KCNQ1: variants seen among roughly 807,000 people sequenced by gnomAD.
KCNQ1 encodes potassium voltage-gated channel subfamily Q member 1.
In KCNQ1, 49 loss-of-function variants were observed where a neutral mutation model predicts 72.4. The observed-to-expected ratio is 0.68, with a 90% CI of 0.54 to 0.86. The LOEUF (loss-of-function observed/expected upper bound fraction) is 0.86, where lower values mean the gene tolerates loss of function less well. Among genes scored for constraint, KCNQ1 ranks in the 40% least tolerant of loss-of-function variants. The pLI is 0.00. For missense variants in KCNQ1, 790 were observed against 945.1 expected, an observed-to-expected ratio of 0.84 and a Z score of 2.15; for synonymous variants, 450 against 412.6, an observed-to-expected ratio of 1.09 and a Z score of -1.10.
chr11:2,609,502 TG>T, intron 10 of KCNQ1: 1 of 398,388 alleles, frequency 2.5e-6, no homozygotes. Context: ...CAATGTTGGT[TG>T]TTGGGCGAAG....
chr11:2,562,017 C>T lies in KCNQ1; in HGVS notation c.478-8611C>T, dbSNP rs1233433190. Among the ~76,000 whole-genome samples, 3 of 152,186 alleles carry T rather than the reference C, an allele frequency of 2.0e-5. No individual in the cohort carries two copies. The highest frequency in any genetic ancestry group is 2.9e-5 in the Non-Finnish European group (2 of 68,010). ...CCCAGCGGTGCCCACACTAAGGGGA[C>T]ACTTGGCAGGGGAGGGGCTGTGGCA... On this transcript the variant is annotated intron_variant, in intron 2 of 15. Transcript: ENST00000155840. This position sits in a 1 kb window ranked among gnomAD's most constrained non-coding sequence, Gnocchi z 7.5.
Position 2,768,788 on chromosome 11 carries a change from G to A in KCNQ1, c.1515-56G>A. ...TCCTCAGGCAGTGCAGGGGCAGTGA[G>A]GGGATGACCAGCACAGGGTGGCCAC... On this transcript the variant is annotated intron_variant, in intron 11 of 15. Transcript: ENST00000155840. The surrounding 1 kb of genome is among the most constrained non-coding windows in gnomAD (Gnocchi z 6.7). The A allele has an allele frequency of 6.6e-6, 9 of 1,361,510 alleles. No individual in the cohort carries two copies. The highest frequency in any genetic ancestry group is 9.5e-6 in the Non-Finnish European group (9 of 949,566). 84.3% of individuals were successfully genotyped at this position (1,361,510 alleles called of 1,614,324 possible).
Position 2,651,808 on chromosome 11 carries a change from A to T in KCNQ1, c.1394-10153A>T, listed in dbSNP as rs1435638891. 2 of 398,466 alleles carry T rather than the reference A, an allele frequency of 5.0e-6. No homozygotes were observed. Among genetic ancestry groups the T allele is most frequent in the Non-Finnish European group, 8.8e-6 (2 of 226,088 alleles). The allele number at this position is 398,466 out of a possible 1,614,324, so 24.7% of individuals were successfully genotyped here. On this transcript the variant is annotated intron_variant, in intron 10 of 15. Transcript: ENST00000155840. This position sits in a 1 kb window ranked among gnomAD's most constrained non-coding sequence, Gnocchi z 6.1. ...CTGGGCCCCTTAAGAGTCCATTAGC[A>T]TTGGAATGGAGCCCACAGGACCATA...
chr11:2,456,449 A>T (rs1846191656), intron 1 of KCNQ1, among the ~76,000 whole-genome samples: 1 of 152,176 alleles, frequency 6.6e-6, no homozygotes, highest in African/African-American at 2.4e-5. Context: ...AAAACTAAAA[A>T]TTCACAAGTG....
chr11:2,593,108 C>T lies in KCNQ1; in HGVS notation c.1393+4254C>T, dbSNP rs1375162765. Among the ~76,000 whole-genome samples the T allele has an allele frequency of 2.0e-5, 3 of 152,174 alleles. No homozygotes were observed. The highest frequency in any genetic ancestry group is 4.4e-5 in the Non-Finnish European group (3 of 68,034). On this transcript the variant is annotated intron_variant, in intron 10 of 15. Transcript: ENST00000155840. This position sits in a 1 kb window ranked among gnomAD's most constrained non-coding sequence, Gnocchi z 6.9. ...TGGCCCTTTGTCTTTCACCACTGAC[C>T]CTTCCCAAGCTGGTACCATGCCTAA...
At chr11:2,628,194 T>G (rs977591151) in intron 10 of KCNQ1, 2 of 398,520 alleles carry the variant, frequency 5.0e-6, no homozygotes, top group Non-Finnish European at 8.8e-6. Flanking sequence ...CAATTTTAAT[T>G]TTTTAAAGAA....
intron 12 of KCNQ1, 43 bp from the exon 13 acceptor site, chr11:2,775,917 G>A (rs1846685823): frequency 6.5e-7 from 1 of 1,536,412 alleles, no homozygotes; most frequent in Admixed American, 2.0e-5. Context: ...CACATGGCTG[G>A]GGCACAGGGA....
At position 2,813,846 on chromosome 11, in the gene KCNQ1, T is replaced by C. The variant is rs1160418626; in HGVS notation, c.1795-33921T>C. Among the ~76,000 whole-genome samples, 1 of 151,710 alleles carries C rather than the reference T, an allele frequency of 6.6e-6. No individual in the cohort carries two copies. Among genetic ancestry groups the C allele is most frequent in the Non-Finnish European group, 1.5e-5 (1 of 67,950 alleles). Reference sequence around the variant, plus strand: ...AGTGAGTGGCGGATGAGTAGGTAGATGGACGGGGAGCTGCAGGGAGGGAGG... The same window carrying C: ...AGTGAGTGGCGGATGAGTAGGTAGACGGACGGGGAGCTGCAGGGAGGGAGG... On this transcript the variant is annotated intron_variant, in intron 15 of 15. Transcript: ENST00000155840. This position sits in a 1 kb window ranked among gnomAD's most constrained non-coding sequence, Gnocchi z 4.4.
rs1846453543 is a variant in KCNQ1, at chr11:2,764,027, T to G, written c.1515-4817T>G. Among the ~76,000 whole-genome samples the G allele has an allele frequency of 6.6e-6, 1 of 152,230 alleles. No individual in the cohort carries two copies. The highest frequency in any genetic ancestry group is 2.1e-4 in the South Asian group (1 of 4,834). ...TTTCCTGTCCAATCCTTGTACCTTT[T>G]ATCTCCCTTTTCCTACCTTTTTAAC... On this transcript the variant is annotated intron_variant, in intron 11 of 15. Transcript: ENST00000155840. This position sits in a 1 kb window ranked among gnomAD's most constrained non-coding sequence, Gnocchi z 4.8.
In KCNQ1 at chr11:2,678,522, C is replaced by T. The variant is rs1850332082; in HGVS notation, c.1514+16441C>T. ...CATTTCTAGACTCTATTCTGGACTG[C>T]TGATGGGCCTGTTGATAGGCCAGAG... On this transcript the variant is annotated intron_variant, in intron 11 of 15. Coordinates refer to ENST00000155840, the MANE Select transcript of KCNQ1 (RefSeq NM_000218.3). The surrounding 1 kb of genome is among the most constrained non-coding windows in gnomAD (Gnocchi z 4.9). The T allele has an allele frequency of 5.0e-6, 2 of 398,562 alleles. No individual in the cohort carries two copies. The highest frequency in any genetic ancestry group is 4.4e-5 in the Admixed American group (1 of 22,726). 24.7% of individuals were successfully genotyped at this position (398,562 alleles called of 1,614,324 possible). A position where few individuals can be genotyped will look rare whatever the true frequency, so the allele number is the denominator to read the frequency against.
intron 10 of KCNQ1, chr11:2,643,457 A>C (rs1228528662): frequency 2.5e-6 from 1 of 398,266 alleles, no homozygotes; most frequent in Non-Finnish European, 4.4e-6. Flanking sequence ...GTTTTATCTG[A>C]TGAAAGTATA....
Position 2,620,211 on chromosome 11 carries a change from A to ATATATT in KCNQ1, c.1393+31358_1393+31359insATATTT, listed in dbSNP as rs1383035176. 6.1e-3 allele frequency: 1,604 copies of ATATATT among 261,902 alleles called. 18 individuals are homozygous for ATATATT. Among genetic ancestry groups the ATATATT allele is most frequent in the African/African-American group, 0.031 (1,164 of 38,066 alleles). The allele number at this position is 261,902 out of a possible 1,614,324, so 16.2% of individuals were successfully genotyped here. A position where few individuals can be genotyped will look rare whatever the true frequency, so the allele number is the denominator to read the frequency against. On this transcript the variant is annotated intron_variant, in intron 10 of 15. Transcript: ENST00000155840. The surrounding 1 kb of genome is among the most constrained non-coding windows in gnomAD (Gnocchi z 4.5). Reference sequence around the variant, plus strand: ...TAAGTTCATTCATGTATATATATATATTTTTTTTTTTTATTTTTTTTTTAG... The same window carrying ATATATT: ...TAAGTTCATTCATGTATATATATATATATATTTTTTTTTTTTTTATTTTTTTTTTAG...
At position 2,588,551 on chromosome 11, in the gene KCNQ1, C is replaced by G. The variant is rs1589969226; in HGVS notation, c.1252-162C>G. ...GTGACCCCCAGCAGCCCTGCCCTGT[C>G]TCTGTGTGAAGACACTGGAGCTGGC... is the stretch of plus-strand genomic sequence containing the variant. On this transcript the variant is annotated intron_variant, in intron 9 of 15. Transcript: ENST00000155840. The surrounding 1 kb of genome is among the most constrained non-coding windows in gnomAD (Gnocchi z 5.6). 6.6e-6 allele frequency among the ~76,000 whole-genome samples: 1 copy of G among 152,232 alleles called. No homozygotes were observed. Among genetic ancestry groups the G allele is most frequent in the East Asian group, 1.9e-4 (1 of 5,190 alleles).
chr11:2,610,336 CTAT>C (rs1240643640), intron 10 of KCNQ1: 1 of 397,914 alleles, frequency 2.5e-6, no homozygotes, highest in Non-Finnish European at 4.4e-6. Context: ...TTATTATGCG[CTAT>C]TATAATGATC....
rs969820586 is a variant in KCNQ1, at chr11:2,745,827, G to C, written c.1515-23017G>C. ...CCGGGGCCAGGACCAGGAGCAGGCG[G>C]CAGCAGCAAGGCAGCTCATCCTCGG... On this transcript the variant is annotated intron_variant, in intron 11 of 15. Transcript: ENST00000155840. The surrounding 1 kb of genome is among the most constrained non-coding windows in gnomAD (Gnocchi z 6.2). Among the ~76,000 whole-genome samples the C allele has an allele frequency of 6.6e-6, 1 of 152,248 alleles. No individual in the cohort carries two copies. The highest frequency in any genetic ancestry group is 1.5e-5 in the Non-Finnish European group (1 of 68,046).
chr11:2,811,567 G>C (rs1056322799), intron 15 of KCNQ1, among the ~76,000 whole-genome samples: 1 of 152,372 alleles, frequency 6.6e-6, no homozygotes, highest in Non-Finnish European at 1.5e-5. Flanking sequence ...AGCCCAGGCG[G>C]GGCCCTTGCC....
intron 1 of KCNQ1, among the ~76,000 whole-genome samples, chr11:2,523,927 G>A (rs1847446232): frequency 6.6e-6 from 1 of 152,110 alleles, no homozygotes; most frequent in Admixed American, 6.5e-5. Flanking sequence ...GGCTGGGGCA[G>A]TGGCGTGGAT....
chr11:2,616,449 G>A (rs1849065951), intron 10 of KCNQ1: 7 of 396,956 alleles, frequency 1.8e-5, no homozygotes, highest in Middle Eastern at 6.3e-4. Flanking sequence ...GGTTTACTTC[G>A]TTCTTCTTTC....
At chr11:2,780,619 C>A (rs1846806720) in intron 15 of KCNQ1, among the ~76,000 whole-genome samples, 1 of 152,204 alleles carries the variant, frequency 6.6e-6, no homozygotes, top group African/African-American at 2.4e-5. Context: ...TGAGTCCCAC[C>A]CCAGGCCAGC....
Sources: allele counts gnomAD v4.1 joint callset (sites outside exome capture counted in the v4.1 genomes callset), GRCh38; gene constraint gnomAD v4.1.1; non-coding constraint Gnocchi (gnomAD v3.1); transcripts MANE v1.5; gene names NCBI Gene and HGNC (gene_info 2026-07-23, HGNC 2026-07-21).